The following PRMT3 variants were observed in gnomAD, a reference collection of about 807,000 sequenced individuals.
PRMT3 encodes the protein protein arginine N-methyltransferase 3.
A neutral mutation model predicts 71.9 loss-of-function variants in PRMT3; 62 were observed. That is an observed-to-expected ratio of 0.86 (90% CI 0.70 to 1.07). The LOEUF (loss-of-function observed/expected upper bound fraction) is 1.07. Among genes scored for constraint, PRMT3 ranks in the 50% least tolerant of loss-of-function variants. The pLI, the probability that PRMT3 is intolerant of heterozygous loss-of-function variation, is 0.00. For synonymous variants in PRMT3, 213 were observed against 220.4 expected, an observed-to-expected ratio of 0.97 and a Z score of 0.30; for missense variants, 663 against 643.0, an observed-to-expected ratio of 1.03 and a Z score of -0.34.
At chr11:20,463,569 G>A (rs541167469) in intron 12 of PRMT3, among the ~76,000 whole-genome samples, 16 of 56,522 alleles carry the variant, frequency 2.8e-4, no homozygotes, top group African/African-American at 8.1e-4. Flanking sequence ...AAAAGTGTAT[G>A]TACTCTTTTT....
intron 9 of PRMT3, among the ~76,000 whole-genome samples, chr11:20,415,271 C>G (rs566628510): frequency 6.6e-6 from 1 of 152,102 alleles, no homozygotes; most frequent in Middle Eastern, 3.4e-3. Flanking sequence ...ATCAAGACAC[C>G]TTACAGGGAA....
chr11:20,470,001 A>G (rs562966915), intron 13 of PRMT3, among the ~76,000 whole-genome samples: 1 of 152,288 alleles, frequency 6.6e-6, no homozygotes, highest in Non-Finnish European at 1.5e-5. Context: ...TGAGGGGGAT[A>G]TATGTGAAGA....
At chr11:20,462,360 A>G (rs560183956) in intron 12 of PRMT3, among the ~76,000 whole-genome samples, 193 bp downstream of exon 12, 6 of 152,138 alleles carry the variant, frequency 3.9e-5, no homozygotes, top group Non-Finnish European at 8.8e-5. Context: ...ACTTCTCTGT[A>G]TATTAAAACT....
intron 7 of PRMT3, among the ~76,000 whole-genome samples, chr11:20,399,606 A>G (rs557062599): frequency 6.6e-6 from 1 of 152,288 alleles, no homozygotes; most frequent in East Asian, 1.9e-4. Context: ...CATCAGCTTA[A>G]ATACCATAAA....
At position 20,421,193 on chromosome 11, in the gene PRMT3, G is replaced by A. The variant is rs375592963; in HGVS notation, c.894-5573G>A. On this transcript the variant is annotated intron_variant, in intron 9 of 15. Coordinates refer to ENST00000331079, the MANE Select transcript of PRMT3 (RefSeq NM_005788.4). Reference sequence around the variant, plus strand: ...GCCGGGACCACAGGCTCACGCCACCGTGCCTGGCTAGTTTGTTTATTTTTT... The same window carrying A: ...GCCGGGACCACAGGCTCACGCCACCATGCCTGGCTAGTTTGTTTATTTTTT... Among the ~76,000 whole-genome samples the A allele has an allele frequency of 9.3e-4, 141 of 152,160 alleles. 4 individuals are homozygous for A. In the South Asian group the frequency reaches 0.027, roughly 29 times the overall value.
intron 9 of PRMT3, 95 bp downstream of exon 9, chr11:20,408,127 A>ACGGT: frequency 1.2e-6 from 1 of 861,022 alleles, no homozygotes; most frequent in Non-Finnish European, 1.6e-6. Context: ...AAGGCAGACT[A>ACGGT]AAGACATTTG....
chr11:20,490,140 G>C (rs576575890), intron 13 of PRMT3, among the ~76,000 whole-genome samples: 1 of 151,772 alleles, frequency 6.6e-6, no homozygotes, highest in East Asian at 1.9e-4. Context: ...TCTGCACACA[G>C]TTTGAATTTT....
chr11:20,392,141 T>G, intron 3 of PRMT3, 70 bp from the exon 4 acceptor site: 1 of 1,434,384 alleles, frequency 7.0e-7, no homozygotes, highest in Non-Finnish European at 9.5e-7. Context: ...CAGAGAAGGC[T>G]TTATAGAATA....
chr11:20,438,497 G>T (rs1320306169), intron 10 of PRMT3, among the ~76,000 whole-genome samples: 1 of 152,090 alleles, frequency 6.6e-6, no homozygotes, highest in Non-Finnish European at 1.5e-5. Context: ...ACTCGTGGGG[G>T]TTAGTCTAGC....
intron 5 of PRMT3, chr11:20,393,747 T>G (rs1357090219): frequency 1.3e-5 from 2 of 152,234 alleles, no homozygotes; most frequent in African/African-American, 4.8e-5. Flanking sequence ...ATCTGCATAT[T>G]CTTAACATTA....
intron 13 of PRMT3, among the ~76,000 whole-genome samples, chr11:20,475,652 CTTT>C (rs59969495): frequency 1.4e-3 from 136 of 100,510 alleles, no homozygotes; most frequent in South Asian, 1.4e-3. Context: ...TACTTAATGT[CTTT>C]TTTTTTTTTT....
At chr11:20,504,705 TGTGAGA>T (rs1476563812) in intron 15 of PRMT3, among the ~76,000 whole-genome samples, 3 of 109,360 alleles carry the variant, frequency 2.7e-5, no homozygotes, top group Admixed American at 1.1e-4. Context: ...TGTGTGTGTG[TGTGAGA>T]GAGAGAGAGA....
At chr11:20,466,460 C>G (rs1420179800) in intron 13 of PRMT3, among the ~76,000 whole-genome samples, 1 of 152,154 alleles carries the variant, frequency 6.6e-6, no homozygotes, top group Non-Finnish European at 1.5e-5. Flanking sequence ...CCTCTGTCCT[C>G]CCAACCCAGG....
intron 13 of PRMT3, among the ~76,000 whole-genome samples, chr11:20,480,298 C>CTG (rs1424525388): frequency 2.6e-5 from 4 of 152,150 alleles, no homozygotes; most frequent in Non-Finnish European, 5.9e-5. Flanking sequence ...GCTCACTTCT[C>CTG]TGTGTGTGTA....
At chr11:20,424,111 G>A (rs1287115230) in intron 9 of PRMT3, among the ~76,000 whole-genome samples, 2 of 151,294 alleles carry the variant, frequency 1.3e-5, no homozygotes, top group African/African-American at 4.9e-5. Context: ...GTAAACCCGG[G>A]AGGTGGAGCT....
intron 13 of PRMT3, among the ~76,000 whole-genome samples, chr11:20,468,472 G>C (rs1326219986): frequency 6.6e-6 from 1 of 152,214 alleles, no homozygotes; most frequent in South Asian, 2.1e-4. Flanking sequence ...AGGTTCAAGC[G>C]ATCCTCTTGG....
intron 9 of PRMT3, among the ~76,000 whole-genome samples, chr11:20,421,433 A>C (rs1849422836): frequency 2.0e-5 from 3 of 152,158 alleles, no homozygotes; most frequent in African/African-American, 7.2e-5. Flanking sequence ...CCCCCAATAA[A>C]TGTTGGCTGT....
chr11:20,392,907 T>C lies in PRMT3; in HGVS notation c.308T>C (p.Val103Ala). 1 of 1,585,054 alleles carries C rather than the reference T, an allele frequency of 6.3e-7. No individual in the cohort carries two copies. Among genetic ancestry groups the C allele is most frequent in the Non-Finnish European group, 8.7e-7 (1 of 1,154,300 alleles). Reference sequence around the variant, plus strand: ...TAATTTTATATCCAGAATCCTACAGTTGAGTACATGAATTCCATATACAAC... The same window carrying C: ...TAATTTTATATCCAGAATCCTACAGCTGAGTACATGAATTCCATATACAAC... The part of the protein sequence containing the change: ...INFIRLKNPT[V>A]EYMNSIYNPV... Residue 103 changes from valine (V) to alanine (A), a missense_variant, in exon 5 of 16, where the codon GTT (valine) becomes GCT (alanine). Coordinates refer to ENST00000331079, the MANE Select transcript of PRMT3 (RefSeq NM_005788.4).
intron 15 of PRMT3, among the ~76,000 whole-genome samples, chr11:20,502,207 C>G (rs1851474493): frequency 6.6e-6 from 1 of 152,204 alleles, no homozygotes; most frequent in Non-Finnish European, 1.5e-5. Context: ...ACACACTTAA[C>G]AACATCAGTC....
Sources: allele counts gnomAD v4.1 joint callset (sites outside exome capture counted in the v4.1 genomes callset), GRCh38; gene constraint gnomAD v4.1.1; transcripts MANE v1.5; gene names NCBI Gene and HGNC (gene_info 2026-07-23, HGNC 2026-07-21).